MMP28: variants seen among roughly 807,000 people sequenced by gnomAD.
MMP28 encodes matrix metallopeptidase 28, also known as matrix metalloproteinase-28.
In MMP28, 55 loss-of-function variants were observed where a neutral mutation model predicts 60.5. The ratio of observed to expected loss-of-function variants is 0.91; its 90% CI spans 0.73 to 1.14. The LOEUF (loss-of-function observed/expected upper bound fraction) is 1.14, where lower values mean the gene tolerates loss of function less well. MMP28 is among the 50% of genes most tolerant of loss of function. The pLI, the probability that MMP28 is intolerant of heterozygous loss-of-function variation, is 0.00. For missense variants in MMP28, 686 were observed against 738.3 expected, an observed-to-expected ratio of 0.93 and a Z score of 0.82; for synonymous variants, 318 against 312.5, an observed-to-expected ratio of 1.02 and a Z score of -0.18.
rs867571976 is a variant in MMP28 at position 35,766,804 on chromosome 17, G to A, written c.1259C>T (p.Ala420Val). The A allele has an allele frequency of 1.3e-6, 2 of 1,573,510 alleles. No individual in the cohort carries two copies. Among genetic ancestry groups the A allele is most frequent in the Non-Finnish European group, 1.7e-6 (2 of 1,160,196 alleles). The change falls in exon 8 of 8, where the codon GCC becomes GTC. Residue 420 changes from alanine (A) to valine (V), a missense_variant. Physicochemically the swap from Ala to Val is moderately conservative, Grantham distance 64. Transcript: ENST00000605424. This position sits in a 1 kb window ranked among gnomAD's most constrained non-coding sequence, Gnocchi z 4.3. ...RAGGLPRHPD[A>V]ALFFPPLRRL... ...GCGCAGAGGAGGGAAGAAGAGGGCG[G>A]CGTCAGGATGGCGGGGCAGGCCCCC... is the stretch of plus-strand genomic sequence containing the variant.
At position 35,778,761 on chromosome 17, in the gene MMP28, C is replaced by T. The variant is rs995946763; in HGVS notation, c.379+127G>A. 6 of 1,559,900 alleles carry T rather than the reference C, an allele frequency of 3.8e-6. No homozygotes were observed. In the African/African-American group the frequency reaches 8.1e-5, roughly 21 times the overall value. On this transcript the variant is annotated intron_variant, in intron 3 of 7. Coordinates refer to ENST00000605424, the MANE Select transcript of MMP28 (RefSeq NM_024302.5). ...CTCAAGCCAAGAGGTCCTATTCACC[C>T]ACTCCTCCCGTGCCCTAGGGAAGAG...
chr17:35,770,073 G>T lies in MMP28; in HGVS notation c.844C>A (p.Leu282Met). The change falls in exon 5 of 8, where the codon CTG becomes ATG. Residue 282 changes from leucine (L) to methionine (M), a missense_variant. Transcript: ENST00000605424. ...GCATGTCCCGGGGCCTCACCATACA[G>T]GCTCTGCACGGCCAGCACGTCGTCC... ...SWDDVLAVQS[L>M]YGKPLGGSVA... 6.3e-7 allele frequency: 1 copy of T among 1,577,210 alleles called. No homozygotes were observed. The highest frequency in any genetic ancestry group is 8.6e-7 in the Non-Finnish European group (1 of 1,162,574).
At chr17:35,780,715 G>A (rs2086473072) in intron 1 of MMP28, among the ~76,000 whole-genome samples, 1 of 151,814 alleles carries the variant, frequency 6.6e-6, no homozygotes, top group South Asian at 2.1e-4. Context: ...GGTACCTGTT[G>A]TCCCAACTAC....
Position 35,767,152 on chromosome 17 carries a change from C to A in MMP28, c.1169-258G>T. ...CCCCGAAAGGAAGGCCCAGAGCTTT[C>A]TCCACTGCCATCATTACTAATAATT... On this transcript the variant is annotated intron_variant, in intron 7 of 7. Coordinates refer to ENST00000605424, the MANE Select transcript of MMP28 (RefSeq NM_024302.5). The A allele has an allele frequency of 5.8e-6, 4 of 691,208 alleles. No individual in the cohort carries two copies. The South Asian group carries it at 6.0e-5, about 10-fold the overall frequency. 42.8% of individuals were successfully genotyped at this position (691,208 alleles called of 1,614,324 possible).
chr17:35,780,155 G>A (rs1026211130), intron 1 of MMP28, among the ~76,000 whole-genome samples: 15 of 152,038 alleles, frequency 9.9e-5, no homozygotes, highest in South Asian at 2.1e-4. Flanking sequence ...TGCAACCTCC[G>A]CCTCCTGGGT....
intron 5 of MMP28, among the ~76,000 whole-genome samples, chr17:35,769,860 AG>A (rs1172939598): frequency 1.3e-5 from 2 of 151,246 alleles, no homozygotes; most frequent in Non-Finnish European, 3.0e-5. Context: ...TGGAGAGATG[AG>A]GGCCATGGAC....
intron 3 of MMP28, 127 bp from the exon 4 acceptor site, chr17:35,773,531 G>A (rs2086235775): frequency 2.4e-6 from 2 of 849,938 alleles, no homozygotes; most frequent in South Asian, 1.8e-5. Flanking sequence ...GGAAGACACA[G>A]TTTTTGCCCT....
At chr17:35,764,710 A>AC, downstream of MMP28, 1 of 1,379,998 alleles carries the variant, frequency 7.2e-7, no homozygotes. Context: ...GCCCTCTTCG[A>AC]CGCATTCCGC....
chr17:35,777,028 C>G (rs887981523), intron 3 of MMP28, among the ~76,000 whole-genome samples: 3 of 152,226 alleles, frequency 2.0e-5, no homozygotes, highest in Non-Finnish European at 4.4e-5. Context: ...CAAAGTACAG[C>G]TGCTGAACTG....
At chr17:35,770,386 GC>G in intron 4 of MMP28, 74 bp from the exon 5 acceptor site, 1 of 1,425,634 alleles carries the variant, frequency 7.0e-7, no homozygotes, top group Non-Finnish European at 9.2e-7. Context: ...CAGCGCAAAT[GC>G]CACTGGGGTG....
intron 1 of MMP28, among the ~76,000 whole-genome samples, chr17:35,780,561 A>G (rs2086468197): frequency 6.6e-6 from 1 of 152,154 alleles, no homozygotes; most frequent in African/African-American, 2.4e-5. Flanking sequence ...TAAACCAGGC[A>G]CAGTGGCTCA....
chr17:35,762,813 G>A (rs1282991074), downstream of MMP28, among the ~76,000 whole-genome samples: 1 of 152,084 alleles, frequency 6.6e-6, no homozygotes, highest in Non-Finnish European at 1.5e-5. Context: ...AAAATATTCT[G>A]TAAATAACCA....
rs746810688 is a variant in MMP28 at position 35,767,925 on chromosome 17, CAG to C, written c.1001-8_1001-7del. The C allele has an allele frequency of 5.1e-6, 8 of 1,571,144 alleles. No homozygotes were observed. The African/African-American group carries it at 1.1e-4, about 21-fold the overall frequency. Reference sequence around the variant, plus strand: ...GTACAGTTGCTGTTGCCTGTCTGCCCAGAGACAAGAGAGAGTTGAGGAGTGAC... The same window carrying C: ...GTACAGTTGCTGTTGCCTGTCTGCCCAGACAAGAGAGAGTTGAGGAGTGAC... On this transcript the variant is annotated splice_region_variant and splice_polypyrimidine_tract_variant and intron_variant, in intron 6 of 7. Transcript: ENST00000605424.
downstream of MMP28, chr17:35,760,964 G>T (rs1409796177): frequency 6.2e-7 from 1 of 1,612,426 alleles, no homozygotes; most frequent in East Asian, 2.2e-5. Flanking sequence ...GGTGAGTGGG[G>T]CTGGAGGCAG....
chr17:35,764,586 C>T, downstream of MMP28: 1 of 1,592,086 alleles, frequency 6.3e-7, no homozygotes, highest in South Asian at 1.1e-5. Flanking sequence ...TCACCCGGAT[C>T]TGGGTAAGGC....
Position 35,770,137 on chromosome 17 carries a change from G to A in MMP28, c.780C>T (p.Pro260=), listed in dbSNP as rs2086077626. Residue 260 remains proline, a synonymous_variant, in exon 5 of 8, where the codon CCC becomes CCT. Coordinates refer to ENST00000605424, the MANE Select transcript of MMP28 (RefSeq NM_024302.5). ...HSPAPRALMA[P]YYKRLGRDAL... is the part of the protein sequence containing the mutation. ...CGTCGCGGCCCAGCCTCTTGTAGTA[G>A]GGCGCCATGAGCGCGCGCGGCGCGG... 1 of 1,607,628 alleles carries A rather than the reference G, an allele frequency of 6.2e-7. No homozygotes were observed. The highest frequency in any genetic ancestry group is 8.5e-7 in the Non-Finnish European group (1 of 1,177,802).
At chr17:35,791,655 C>T (rs2086818262) in intron 1 of MMP28, among the ~76,000 whole-genome samples, 1 of 152,126 alleles carries the variant, frequency 6.6e-6, no homozygotes, top group Admixed American at 6.6e-5. Context: ...GGTGCTTACA[C>T]CTAAAGCATG....
At chr17:35,764,531 G>C (rs781829396), downstream of MMP28, 1 of 1,599,864 alleles carries the variant, frequency 6.3e-7, no homozygotes, top group Non-Finnish European at 8.5e-7. Context: ...AGAAATGCAG[G>C]AGTCTGCACA....
At chr17:35,772,830 G>A (rs926670557) in intron 4 of MMP28, among the ~76,000 whole-genome samples, 4 of 152,138 alleles carry the variant, frequency 2.6e-5, no homozygotes, top group African/African-American at 9.7e-5. Context: ...GTTTTTTAGG[G>A]CTCTGGAGTG....
Sources: allele counts gnomAD v4.1 joint callset (sites outside exome capture counted in the v4.1 genomes callset), GRCh38; gene constraint gnomAD v4.1.1; non-coding constraint Gnocchi (gnomAD v3.1); transcripts MANE v1.5; gene names NCBI Gene and HGNC (gene_info 2026-07-23, HGNC 2026-07-21).